The following WRN variants were observed in gnomAD, a reference collection of about 807,000 sequenced individuals.
WRN encodes the protein bifunctional 3'-5' exonuclease/ATP-dependent helicase WRN.
A neutral mutation model predicts 180.7 loss-of-function variants in WRN; 149 were observed. The observed-to-expected ratio is 0.82, with a 90% confidence interval of 0.72 to 0.94. The LOEUF is 0.94. WRN is among the 40% of genes least tolerant of loss of function. The pLI is 0.00. For missense variants in WRN, 1,661 were observed against 1,700.1 expected (o/e 0.98, Z 0.40); for synonymous variants, 548 against 568.9 (o/e 0.96, Z 0.52).
rs368726429 is a variant in WRN at position 31,175,693 on chromosome 8, A to AT, written c.*2598dup. ...CAACTACGTGCCTGTGCAAAGTCAGATTTTTTTCATATACTTCAGCCAAAA... is the reference window on the plus strand; with the variant it reads ...CAACTACGTGCCTGTGCAAAGTCAGATTTTTTTTCATATACTTCAGCCAAAA... On this transcript the variant is annotated 3_prime_UTR_variant, in exon 35 of 35. Coordinates refer to ENST00000298139, the MANE Select transcript of WRN (RefSeq NM_000553.6). Among the ~76,000 whole-genome samples, 8 of 152,174 alleles carry AT rather than the reference A, an allele frequency of 5.3e-5. No individual in the cohort carries two copies. The highest frequency in any genetic ancestry group is 1.0e-4 in the Non-Finnish European group (7 of 68,042).
rs775359090 is a variant in WRN, at chr8:31,111,599, GT to G, written c.2089-12del. 1.9e-6 allele frequency: 3 copies of G among 1,613,704 alleles called. No individual in the cohort carries two copies. The Admixed American group carries it at 5.0e-5, about 27-fold the overall frequency. Reference sequence around the variant, plus strand: ...GAGCTCTTTCCTTTTTAAAATATCAGTTTTACATCATTCAGGTTCCAATCGT... The same window carrying G: ...GAGCTCTTTCCTTTTTAAAATATCAGTTTACATCATTCAGGTTCCAATCGT... On this transcript the variant is annotated splice_polypyrimidine_tract_variant and intron_variant, in intron 18 of 34. Coordinates refer to ENST00000298139, the MANE Select transcript of WRN (RefSeq NM_000553.6).
Position 31,100,875 on chromosome 8 carries a change from G to T in WRN, c.2008G>T (p.Ala670Ser), listed in dbSNP as rs1814196424. ...TATCACGCTCATTGCTGTGGATGAG[G>T]CTCACTGTATTTCTGAGTGGGGGCA... Reference protein sequence around the residue: ...IGITLIAVDEAHCISEWGHDF... With the variant: ...IGITLIAVDESHCISEWGHDF... The change falls in exon 18 of 35, where the codon GCT (alanine) becomes TCT (serine). Residue 670 changes from alanine to serine, a missense_variant. Ala to Ser is a moderately conservative substitution (Grantham distance 99). Transcript: ENST00000298139. The T allele has an allele frequency of 6.2e-7, 1 of 1,613,848 alleles. No individual in the cohort carries two copies. The highest frequency in any genetic ancestry group is 8.5e-7 in the Non-Finnish European group (1 of 1,179,962).
At position 31,154,195 on chromosome 8, in the gene WRN, G is replaced by C. The variant is rs548201563; in HGVS notation, c.3688-429G>C. ...TCATTTAAAATTAGATATGTAGAGAGAGTGTTATGATATATTTCCTTACGA... is the reference window on the plus strand; with the variant it reads ...TCATTTAAAATTAGATATGTAGAGACAGTGTTATGATATATTTCCTTACGA... On this transcript the variant is annotated intron_variant, in intron 31 of 34. Coordinates refer to ENST00000298139, the MANE Select transcript of WRN (RefSeq NM_000553.6). 8.6e-5 allele frequency among the ~76,000 whole-genome samples: 13 copies of C among 151,960 alleles called. No homozygotes were observed. In the South Asian group the frequency reaches 2.3e-3, roughly 27 times the overall value.
In WRN at chr8:31,157,477, C is replaced by T. The variant is rs375176583; in HGVS notation, c.3929C>T (p.Pro1310Leu). The stretch of plus-strand genomic sequence containing the variant: ...GATTTGGAGCGAGCAGGCCTGACTC[C>T]AGAGGTTCAGAAGATTATTGCTGAT... ...PLDLERAGLT[P>L]EVQKIIADVI... Residue 1310 changes from proline to leucine, a missense_variant, in exon 33 of 35, where the codon CCA becomes CTA. Around this residue, in one of 3 missense-constraint regions of WRN, gnomAD observed 1,141 missense variants for 1,149.4 expected, o/e 0.99. Coordinates refer to ENST00000298139, the MANE Select transcript of WRN (RefSeq NM_000553.6). 10 of 1,613,980 alleles carry T rather than the reference C, an allele frequency of 6.2e-6. No homozygotes were observed. The highest frequency in any genetic ancestry group is 8.5e-6 in the Non-Finnish European group (10 of 1,180,022).
chr8:31,042,808 A>G (rs1209141935), intron 1 of WRN, among the ~76,000 whole-genome samples: 1 of 152,218 alleles, frequency 6.6e-6, no homozygotes, highest in Non-Finnish European at 1.5e-5. Context: ...GCCTTACAAT[A>G]CCCACATATC....
Position 31,054,658 on chromosome 8 carries a change from C to T in WRN, c.-76-3714C>T, listed in dbSNP as rs75023475. On this transcript the variant is annotated intron_variant, in intron 1 of 34. Coordinates refer to ENST00000298139, the MANE Select transcript of WRN (RefSeq NM_000553.6). ...GAAAAGTCCAAAGCAAATCATAATA[C>T]GTTATTTTAAAGGGGGGTTTAAAAT... 3.3e-3 allele frequency among the ~76,000 whole-genome samples: 501 copies of T among 152,190 alleles called. 2 individuals carry two copies. Among genetic ancestry groups the T allele is most frequent in the African/African-American group, 0.011 (467 of 41,512 alleles).
Position 31,173,964 on chromosome 8 carries a change from TG to T in WRN, c.*863del, listed in dbSNP as rs1164774615. 3.3e-5 allele frequency among the ~76,000 whole-genome samples: 5 copies of T among 152,136 alleles called. No homozygotes were observed. Among genetic ancestry groups the T allele is most frequent in the African/African-American group, 9.7e-5 (4 of 41,442 alleles). On this transcript the variant is annotated 3_prime_UTR_variant, in exon 35 of 35. Transcript: ENST00000298139. Reference sequence around the variant, plus strand: ...TTTCAAAGCCTTTGATTGGCTTTTTTGTAAATAAAAATAACTTGTTAAGAAA... The same window carrying T: ...TTTCAAAGCCTTTGATTGGCTTTTTTTAAATAAAAATAACTTGTTAAGAAA...
intron 9 of WRN, among the ~76,000 whole-genome samples, 177 bp downstream of exon 9, chr8:31,081,473 G>T (rs995458627): frequency 6.6e-6 from 1 of 152,194 alleles, no homozygotes; most frequent in Non-Finnish European, 1.5e-5. Context: ...AAACAAATGT[G>T]CCTGTCTTTC....
intron 33 of WRN, among the ~76,000 whole-genome samples, chr8:31,165,667 C>A (rs1050051651): frequency 6.6e-6 from 1 of 152,016 alleles, no homozygotes; most frequent in Non-Finnish European, 1.5e-5. Context: ...AATACTTGAT[C>A]TGTGTTTAGC....
chr8:31,147,317 C>A, intron 29 of WRN, 47 bp from the exon 30 acceptor site: 1 of 1,576,716 alleles, frequency 6.3e-7, no homozygotes, highest in Non-Finnish European at 8.7e-7. Context: ...AGGACTAGAT[C>A]TTTTAAGTAC....
Position 31,068,178 on chromosome 8 carries a change from C to T in WRN, c.655-80C>T, listed in dbSNP as rs560539869. ...TGGGTGCTTTGTGAATCATTCTCTT[C>T]GATTTTTCTGAAGATGGGACTTACT... On this transcript the variant is annotated intron_variant, in intron 6 of 34. Coordinates refer to ENST00000298139, the MANE Select transcript of WRN (RefSeq NM_000553.6). 584 of 1,066,968 alleles carry T rather than the reference C, an allele frequency of 5.5e-4. 1 individual carries two copies. The highest frequency in any genetic ancestry group is 8.1e-4 in the South Asian group (58 of 71,878). 66.1% of individuals were successfully genotyped at this position (1,066,968 alleles called of 1,614,324 possible). A position where few individuals can be genotyped will look rare whatever the true frequency, so the allele number is the denominator to read the frequency against.
intron 24 of WRN, 72 bp from the exon 25 acceptor site, chr8:31,141,358 C>G (rs1470757308): frequency 6.4e-7 from 1 of 1,572,508 alleles, no homozygotes; most frequent in African/African-American, 1.4e-5. Flanking sequence ...AATCAATAGA[C>G]AAGTCTGTGT....
intron 24 of WRN, among the ~76,000 whole-genome samples, chr8:31,137,272 C>T (rs150821527): frequency 1.1e-4 from 17 of 152,130 alleles, no homozygotes; most frequent in African/African-American, 3.9e-4. Flanking sequence ...TTAATCCCTA[C>T]TGATCAGATA....
chr8:31,126,827 A>G (rs1322241612), intron 23 of WRN, among the ~76,000 whole-genome samples: 1 of 152,208 alleles, frequency 6.6e-6, no homozygotes, highest in Non-Finnish European at 1.5e-5. Context: ...CAAAATTGAT[A>G]TAAACTTCTA....
chr8:31,039,609 G>A (rs1353943148), intron 1 of WRN, among the ~76,000 whole-genome samples: 2 of 152,092 alleles, frequency 1.3e-5, no homozygotes, highest in Non-Finnish European at 2.9e-5. Context: ...TGGTGAAAGT[G>A]GGTATCTTTG....
chr8:31,164,386 A>C (rs1265802480), intron 33 of WRN, among the ~76,000 whole-genome samples: 1 of 152,204 alleles, frequency 6.6e-6, no homozygotes, highest in African/African-American at 2.4e-5. Flanking sequence ...GTTTTAAAGA[A>C]CAAGTTTGAT....
intron 34 of WRN, among the ~76,000 whole-genome samples, chr8:31,167,949 G>C (rs1324647664): frequency 2.6e-5 from 4 of 151,996 alleles, no homozygotes; most frequent in Admixed American, 2.6e-4. Context: ...CTAAAAAATT[G>C]TTTCAATTCT....
At chr8:31,064,167 G>C in intron 3 of WRN, 122 bp from the exon 4 acceptor site, 1 of 1,049,336 alleles carries the variant, frequency 9.5e-7, no homozygotes, top group South Asian at 1.5e-5. Context: ...ATTGTCAGTT[G>C]TATGTGCTCC....
intron 7 of WRN, among the ~76,000 whole-genome samples, chr8:31,075,869 A>C (rs1236728202): frequency 6.6e-6 from 1 of 152,190 alleles, no homozygotes; most frequent in Non-Finnish European, 1.5e-5. Context: ...CTGATTTTGC[A>C]ATAGTACAGA....
Sources: allele counts gnomAD v4.1 joint callset (sites outside exome capture counted in the v4.1 genomes callset), GRCh38; gene constraint gnomAD v4.1.1; regional missense constraint gnomAD v4.1.1; transcripts MANE v1.5; gene names NCBI Gene and HGNC (gene_info 2026-07-23, HGNC 2026-07-21).